Variants in DRC9 observed in about 807,000 individuals in gnomAD.
The protein encoded by DRC9 is dynein regulatory complex protein 9.
chr3:197,897,125 G>A, the DRC9 span, among the ~76,000 whole-genome samples: 1 of 151,638 alleles, frequency 6.6e-6, no homozygotes. Flanking sequence ...AGAAATAAAG[G>A]ACTTTTTAAA....
chr3:197,938,418 A>G, the DRC9 span: 6 of 696,120 alleles, frequency 8.6e-6, no homozygotes, highest in African/African-American at 1.8e-5. Context: ...AGCTAATTCT[A>G]TTCTCAGCAG....
At chr3:197,933,896 T>C in the DRC9 span, among the ~76,000 whole-genome samples, 3 of 148,692 alleles carry the variant, frequency 2.0e-5, no homozygotes. Context: ...CTGCAACCTC[T>C]GCCTCCTGGG....
chr3:197,944,999 C>T, the DRC9 span, among the ~76,000 whole-genome samples: 59 of 152,284 alleles, frequency 3.9e-4, no homozygotes, highest in East Asian at 7.1e-3. Flanking sequence ...AAAAGTGTCT[C>T]ATGATGAGTG....
chr3:197,926,759 G>C, the DRC9 span, among the ~76,000 whole-genome samples: 1 of 152,134 alleles, frequency 6.6e-6, no homozygotes, highest in East Asian at 1.9e-4. Context: ...GGTTGACTTT[G>C]GCTCAAGGAC....
chr3:197,895,791 A>G, the DRC9 span, among the ~76,000 whole-genome samples: 1 of 151,388 alleles, frequency 6.6e-6, no homozygotes, highest in African/African-American at 2.4e-5. Context: ...CCTTGGCAAC[A>G]TGGCAAAACC....
chr3:197,949,059 T>G, the DRC9 span, among the ~76,000 whole-genome samples: 1 of 152,132 alleles, frequency 6.6e-6, no homozygotes, highest in Non-Finnish European at 1.5e-5. Flanking sequence ...CATCTCAAAG[T>G]GGGGAAAGCC....
chr3:197,925,587 GTT>G, the DRC9 span, among the ~76,000 whole-genome samples: 67 of 127,532 alleles, frequency 5.3e-4, 1 homozygote, highest in African/African-American at 1.6e-3. Flanking sequence ...TATATCTTCT[GTT>G]TTTTTTTTTT....
the DRC9 span, among the ~76,000 whole-genome samples, chr3:197,926,871 G>A: frequency 2.6e-5 from 4 of 152,096 alleles, no homozygotes; most frequent in Admixed American, 1.3e-4. Flanking sequence ...TTTCTCTCAC[G>A]CAGATCTTTC....
chr3:197,938,918 G>T, the DRC9 span: 2 of 678,448 alleles, frequency 2.9e-6, no homozygotes, highest in East Asian at 2.7e-5. Context: ...CCTTTCTTCA[G>T]CCACACCAAA....
the DRC9 span, chr3:197,953,895 G>A: frequency 9.6e-7 from 1 of 1,039,276 alleles, no homozygotes; most frequent in East Asian, 2.4e-5. Context: ...AGTTTCTCAG[G>A]TGATGAAGTG....
the DRC9 span, among the ~76,000 whole-genome samples, chr3:197,939,809 G>A: frequency 1.1e-4 from 16 of 152,100 alleles, no homozygotes; most frequent in African/African-American, 3.6e-4. Flanking sequence ...CGCGATCTCG[G>A]CTCACTGTGA....
chr3:197,912,945 C>T, the DRC9 span: 6 of 584,518 alleles, frequency 1.0e-5, no homozygotes, highest in African/African-American at 1.1e-4. Flanking sequence ...CTGCGTGTGT[C>T]CCTAACGAGA....
chr3:197,898,961 G>A, the DRC9 span, among the ~76,000 whole-genome samples: 2 of 152,004 alleles, frequency 1.3e-5, no homozygotes, highest in Non-Finnish European at 2.9e-5. Context: ...TAATGAAAAT[G>A]ATTTCATTAC....
chr3:197,955,593 C>T, the DRC9 span, among the ~76,000 whole-genome samples: 1 of 152,080 alleles, frequency 6.6e-6, no homozygotes, highest in African/African-American at 2.4e-5. Flanking sequence ...CCGGTTCTTA[C>T]GGTATGTTCA....
At chr3:197,896,591 G>A in the DRC9 span, among the ~76,000 whole-genome samples, 16 of 152,238 alleles carry the variant, frequency 1.1e-4, no homozygotes, top group African/African-American at 2.9e-4. Context: ...GAGACTGGGC[G>A]GCTCATAAAC....
the DRC9 span, chr3:197,938,574 C>G: frequency 6.2e-7 from 1 of 1,613,600 alleles, no homozygotes; most frequent in Middle Eastern, 1.6e-4. Context: ...TCTTCAGTGT[C>G]TCCGTAGTCA....
At chr3:197,930,690 G>A in the DRC9 span, among the ~76,000 whole-genome samples, 2 of 149,854 alleles carry the variant, frequency 1.3e-5, no homozygotes, top group African/African-American at 4.9e-5. Context: ...GCTGTGGATC[G>A]TGCCACTGCA....
the DRC9 span, among the ~76,000 whole-genome samples, chr3:197,893,852 A>G: frequency 6.6e-6 from 1 of 151,546 alleles, no homozygotes; most frequent in Non-Finnish European, 1.5e-5. Flanking sequence ...CGTCTCAAAA[A>G]AAAAGAAAAA....
the DRC9 span, among the ~76,000 whole-genome samples, chr3:197,908,013 A>G: frequency 3.4e-5 from 5 of 148,740 alleles, no homozygotes; most frequent in African/African-American, 1.2e-4. Flanking sequence ...TGAAGTTATC[A>G]CAGGGGTGGT....
Sources: allele counts gnomAD v4.1 joint callset (sites outside exome capture counted in the v4.1 genomes callset), GRCh38; gene constraint gnomAD v4.1.1; transcripts MANE v1.5; gene names NCBI Gene and HGNC (gene_info 2026-07-23, HGNC 2026-07-21).